ATRNL1: variants seen among roughly 807,000 people sequenced by gnomAD.
ATRNL1 encodes attractin-like protein 1.
ATRNL1 carries 95 observed loss-of-function variants against 182.7 expected under a neutral mutation model. That is an observed-to-expected ratio of 0.52 (90% CI 0.44 to 0.62). ATRNL1 has a LOEUF of 0.62. Among genes scored for constraint, ATRNL1 ranks in the 20% least tolerant of loss-of-function variants. The pLI is 0.00. For synonymous variants in ATRNL1, 576 were observed against 568.3 expected (o/e 1.01, Z -0.19); for missense variants, 1,471 against 1,679.5 (o/e 0.88, Z 2.17).
At chr10:115,930,673 A>G (rs536478338) in intron 28 of ATRNL1, among the ~76,000 whole-genome samples, 1 of 152,218 alleles carries the variant, frequency 6.6e-6, no homozygotes, top group Non-Finnish European at 1.5e-5. Flanking sequence ...AACATTTTTT[A>G]AAATCTCGTA....
At chr10:115,181,749 G>T (rs181421391) in intron 8 of ATRNL1, among the ~76,000 whole-genome samples, 1 of 151,700 alleles carries the variant, frequency 6.6e-6, no homozygotes, top group Non-Finnish European at 1.5e-5. Flanking sequence ...GTATTATTGC[G>T]GTGCCCGAAG....
intron 26 of ATRNL1, among the ~76,000 whole-genome samples, chr10:115,562,455 G>T (rs879995353): frequency 2.0e-5 from 3 of 152,104 alleles, no homozygotes; most frequent in Non-Finnish European, 1.5e-5. Flanking sequence ...TGCTCTAAAT[G>T]GGTGATTTAC....
At chr10:115,204,173 A>T (rs1025792726) in intron 8 of ATRNL1, among the ~76,000 whole-genome samples, 2 of 152,012 alleles carry the variant, frequency 1.3e-5, no homozygotes, top group Admixed American at 6.6e-5. Context: ...CGGAATTTTT[A>T]AATTTTTTTT....
chr10:115,903,938 C>G lies in ATRNL1; in HGVS notation c.4019-40720C>G, dbSNP rs1052813176. Among the ~76,000 whole-genome samples, 3 of 152,092 alleles carry G rather than the reference C, an allele frequency of 2.0e-5. No individual in the cohort carries two copies. The East Asian group carries it at 5.8e-4, about 29-fold the overall frequency. ...TTCAGGACCTCTGAGAAGCTGACAC[C>G]AAGACGAGGTGAAATGTGCAAGAGC... is the stretch of plus-strand genomic sequence containing the variant. On this transcript the variant is annotated intron_variant, in intron 28 of 28. Transcript: ENST00000355044.
At chr10:115,635,080 G>A (rs1437420911) in intron 26 of ATRNL1, among the ~76,000 whole-genome samples, 1 of 152,022 alleles carries the variant, frequency 6.6e-6, no homozygotes, top group Non-Finnish European at 1.5e-5. Context: ...CCTTGGAGTA[G>A]GCAAAGTTTT....
chr10:115,402,474 T>G (rs1168371141), intron 20 of ATRNL1, among the ~76,000 whole-genome samples: 1 of 152,104 alleles, frequency 6.6e-6, no homozygotes, highest in South Asian at 2.1e-4. Flanking sequence ...AAAATTAGTG[T>G]TTTCCCTTAT....
At chr10:115,762,642 A>G (rs1419391249) in intron 27 of ATRNL1, among the ~76,000 whole-genome samples, 2 of 152,122 alleles carry the variant, frequency 1.3e-5, no homozygotes, top group Non-Finnish European at 2.9e-5. Context: ...CCCACCTAAA[A>G]CTAACCTCCC....
intron 1 of ATRNL1, among the ~76,000 whole-genome samples, chr10:115,099,782 T>C (rs1173368478): frequency 1.7e-4 from 26 of 152,240 alleles, no homozygotes; most frequent in Admixed American, 1.2e-3. Flanking sequence ...AAAATTTTCT[T>C]ACTGATTTTT....
chr10:115,889,037 A>T (rs576522941), intron 28 of ATRNL1, among the ~76,000 whole-genome samples: 53 of 152,170 alleles, frequency 3.5e-4, no homozygotes, highest in Non-Finnish European at 6.0e-4. Flanking sequence ...GCTGTAGTAA[A>T]CTCTTGAAAG....
At chr10:115,103,126 T>C (rs1843850608) in intron 1 of ATRNL1, among the ~76,000 whole-genome samples, 1 of 151,412 alleles carries the variant, frequency 6.6e-6, no homozygotes, top group South Asian at 2.1e-4. Flanking sequence ...CAACCCCTGC[T>C]TCCTGGGTTC....
At chr10:115,558,075 A>AC (rs1184034044) in intron 26 of ATRNL1, among the ~76,000 whole-genome samples, 1 of 151,700 alleles carries the variant, frequency 6.6e-6, no homozygotes, top group African/African-American at 2.4e-5. Context: ...CAAAAAAAAA[A>AC]AACCATTTAA....
intron 18 of ATRNL1, among the ~76,000 whole-genome samples, chr10:115,323,848 G>A (rs1854722318): frequency 1.3e-5 from 2 of 151,860 alleles, no homozygotes; most frequent in South Asian, 4.1e-4. Context: ...CGCGATCTCG[G>A]CTCACCGCAA....
chr10:115,097,924 A>G (rs2085056628), intron 1 of ATRNL1, among the ~76,000 whole-genome samples: 1 of 152,254 alleles, frequency 6.6e-6, no homozygotes, highest in Non-Finnish European at 1.5e-5. Flanking sequence ...ACTCCGTCTC[A>G]AAACAAAACA....
chr10:115,286,738 T>C (rs1554919118), intron 15 of ATRNL1, among the ~76,000 whole-genome samples: 1 of 151,982 alleles, frequency 6.6e-6, no homozygotes, highest in Non-Finnish European at 1.5e-5. Context: ...AGAGCAATTA[T>C]AGTCGATCCT....
At chr10:115,835,054 A>G (rs573051662) in intron 27 of ATRNL1, among the ~76,000 whole-genome samples, 2 of 152,154 alleles carry the variant, frequency 1.3e-5, no homozygotes, top group African/African-American at 4.8e-5. Context: ...CTCAATTAAT[A>G]ATAGTTGACA....
chr10:115,324,447 C>T (rs1298407043), intron 18 of ATRNL1, among the ~76,000 whole-genome samples: 2 of 152,084 alleles, frequency 1.3e-5, no homozygotes, highest in East Asian at 1.9e-4. Context: ...ATTTGTATAA[C>T]CTGGGTTGTG....
chr10:115,816,029 C>T (rs1383258346), intron 27 of ATRNL1, among the ~76,000 whole-genome samples: 1 of 152,128 alleles, frequency 6.6e-6, no homozygotes, highest in African/African-American at 2.4e-5. Flanking sequence ...CAGTGAATTA[C>T]AGTCTTAGGA....
chr10:115,826,202 AT>A (rs11304130), intron 27 of ATRNL1, among the ~76,000 whole-genome samples: 111,300 of 151,322 alleles, frequency 0.74, 40,926 homozygotes, highest in Admixed American at 0.8. Context: ...ATACTATCCC[AT>A]TTTTTTTTCA....
At chr10:115,806,282 T>C (rs1327996243) in intron 27 of ATRNL1, among the ~76,000 whole-genome samples, 1 of 152,160 alleles carries the variant, frequency 6.6e-6, no homozygotes, top group Non-Finnish European at 1.5e-5. Flanking sequence ...AGACAGACTA[T>C]TGAAGTTGAA....
Sources: gnomAD v4.1 joint callset for allele counts (sites outside exome capture counted in the v4.1 genomes callset) on GRCh38, gnomAD v4.1.1 for gene constraint, MANE v1.5 for transcripts, NCBI Gene and HGNC (gene_info 2026-07-23, HGNC 2026-07-21) for gene names.